Variants in ADAM18 observed in about 807,000 individuals in gnomAD.
ADAM18 encodes the protein disintegrin and metalloproteinase domain-containing protein 18.
A neutral mutation model predicts 94.4 loss-of-function variants in ADAM18; 117 were observed. That is an observed-to-expected ratio of 1.24 (90% confidence interval 1.07 to 1.45). ADAM18 has a LOEUF of 1.45. ADAM18 is among the 40% of genes most tolerant of loss of function. ADAM18 has a pLI of 0.00. For missense variants in ADAM18, 936 were observed against 880.0 expected, an observed-to-expected ratio of 1.06 and a Z score of -0.81; for synonymous variants, 327 against 291.6, an observed-to-expected ratio of 1.12 and a Z score of -1.24.
chr8:39,727,832 C>T (rs1030697364), intron 19 of ADAM18, among the ~76,000 whole-genome samples: 22 of 152,222 alleles, frequency 1.4e-4, no homozygotes, highest in African/African-American at 4.6e-4. Context: ...TGGCAATGCC[C>T]CACTGCTAGT....
intron 14 of ADAM18, among the ~76,000 whole-genome samples, chr8:39,671,998 C>G (rs1821170964): frequency 6.6e-6 from 1 of 152,036 alleles, no homozygotes; most frequent in African/African-American, 2.4e-5. Context: ...TAAAGTACAG[C>G]ATTTAACATA....
intron 14 of ADAM18, among the ~76,000 whole-genome samples, chr8:39,672,038 C>T (rs1821171754): frequency 6.6e-6 from 1 of 152,016 alleles, no homozygotes; most frequent in Non-Finnish European, 1.5e-5. Context: ...ACAGTAAAAT[C>T]TTTCTACTAG....
At chr8:39,689,263 C>A (rs1262072621) in intron 16 of ADAM18, among the ~76,000 whole-genome samples, 1 of 152,128 alleles carries the variant, frequency 6.6e-6, no homozygotes, top group African/African-American at 2.4e-5. Context: ...TTGGCATCTG[C>A]ATCATGAAAT....
At chr8:39,610,402 GA>G in intron 5 of ADAM18, 126 bp from the exon 6 acceptor site, 1 of 1,203,544 alleles carries the variant, frequency 8.3e-7, no homozygotes, top group African/African-American at 1.6e-5. Flanking sequence ...AATGGAAAAA[GA>G]AAATGGGCTT....
chr8:39,632,088 ATAT>A (rs1299546496), intron 7 of ADAM18, among the ~76,000 whole-genome samples: 3 of 151,772 alleles, frequency 2.0e-5, no homozygotes, highest in Non-Finnish European at 4.4e-5. Flanking sequence ...GTACACAATC[ATAT>A]TATTTATGAA....
At chr8:39,665,977 T>G (rs764345580) in intron 13 of ADAM18, among the ~76,000 whole-genome samples, 6 of 152,178 alleles carry the variant, frequency 3.9e-5, no homozygotes, top group Non-Finnish European at 8.8e-5. Context: ...TTCTTGTACC[T>G]GAAGACCTCC....
chr8:39,723,087 T>C (rs1215498225), intron 18 of ADAM18, among the ~76,000 whole-genome samples: 1 of 151,538 alleles, frequency 6.6e-6, no homozygotes, highest in Non-Finnish European at 1.5e-5. Context: ...GCATATTCAT[T>C]TAGTTAACTC....
At chr8:39,630,259 A>G (rs2129579084) in intron 7 of ADAM18, among the ~76,000 whole-genome samples, 1 of 151,760 alleles carries the variant, frequency 6.6e-6, no homozygotes, top group Middle Eastern at 3.5e-3. Flanking sequence ...ACTAAATGCA[A>G]AACACAGACT....
chr8:39,616,358 C>A (rs746906753), intron 6 of ADAM18, among the ~76,000 whole-genome samples: 1 of 152,006 alleles, frequency 6.6e-6, no homozygotes, highest in Non-Finnish European at 1.5e-5. Context: ...TGCAGTGAGC[C>A]GAGATGGCAC....
chr8:39,629,127 A>G (rs1819858543), intron 6 of ADAM18, among the ~76,000 whole-genome samples: 1 of 151,608 alleles, frequency 6.6e-6, no homozygotes, highest in South Asian at 2.1e-4. Context: ...TTTTATGTTT[A>G]TGTTTTTTTT....
At chr8:39,689,799 T>G (rs1450934837) in intron 16 of ADAM18, among the ~76,000 whole-genome samples, 1 of 152,218 alleles carries the variant, frequency 6.6e-6, no homozygotes, top group African/African-American at 2.4e-5. Flanking sequence ...ATGTGGCCAT[T>G]TCAGCTATAT....
chr8:39,612,548 G>A (rs1330402482), intron 6 of ADAM18, among the ~76,000 whole-genome samples: 3 of 152,152 alleles, frequency 2.0e-5, no homozygotes, highest in Non-Finnish European at 4.4e-5. Context: ...GTTTGGTTCA[G>A]GAAGAGCTGC....
intron 12 of ADAM18, among the ~76,000 whole-genome samples, chr8:39,654,559 C>G (rs1820634654): frequency 1.3e-5 from 2 of 152,044 alleles, no homozygotes; most frequent in African/African-American, 4.8e-5. Context: ...GGATGTATAT[C>G]CAGCAGTGGG....
intron 19 of ADAM18, among the ~76,000 whole-genome samples, chr8:39,724,272 G>A (rs979980553): frequency 1.3e-5 from 2 of 151,588 alleles, no homozygotes; most frequent in African/African-American, 4.8e-5. Flanking sequence ...CAGATTTTCT[G>A]TTCTTTATTA....
chr8:39,591,980 A>G (rs964633345), intron 2 of ADAM18, among the ~76,000 whole-genome samples: 39 of 152,214 alleles, frequency 2.6e-4, no homozygotes, highest in African/African-American at 9.4e-4. Flanking sequence ...GACCAGGTAC[A>G]TTGTCAATGA....
In ADAM18 at chr8:39,609,562, G is replaced by A. The variant is rs1819202568; in HGVS notation, c.344+1G>A. On this transcript the variant is annotated splice_donor_variant, in intron 5 of 19. Transcript: ENST00000265707. LOFTEE classifies it high-confidence loss of function. Reference sequence around the variant, plus strand: ...CACTCAGTATATGTTCTGGTCTCAGGTAATAGCACCTTATAAGAAATCTAT... The same window carrying A: ...CACTCAGTATATGTTCTGGTCTCAGATAATAGCACCTTATAAGAAATCTAT... The A allele has an allele frequency of 3.1e-6, 5 of 1,597,312 alleles. No homozygotes were observed. The highest frequency in any genetic ancestry group is 1.3e-5 in the African/African-American group (1 of 74,640).
intron 17 of ADAM18, among the ~76,000 whole-genome samples, chr8:39,703,519 T>C (rs190186548): frequency 9.1e-4 from 139 of 152,166 alleles, no homozygotes; most frequent in Non-Finnish European, 1.4e-3. Flanking sequence ...AAATATTATG[T>C]TAAATAGGAT....
intron 3 of ADAM18, among the ~76,000 whole-genome samples, chr8:39,607,179 G>A (rs569007096): frequency 6.6e-6 from 1 of 152,096 alleles, no homozygotes; most frequent in East Asian, 1.9e-4. Flanking sequence ...ATGAATTTGT[G>A]CACTGTTGCC....
In ADAM18 at chr8:39,729,880, T is replaced by G; in HGVS notation, c.2178-18T>G. On this transcript the variant is annotated intron_variant, in intron 19 of 19. Coordinates refer to ENST00000265707, the MANE Select transcript of ADAM18 (RefSeq NM_014237.3). ...ACATATTGTGAATTTCTATTTTTTC[T>G]GTTTTTCTTCACTATAGTAATTCAT... 6.2e-7 allele frequency: 1 copy of G among 1,609,162 alleles called. No individual in the cohort carries two copies. Among genetic ancestry groups the G allele is most frequent in the Non-Finnish European group, 8.5e-7 (1 of 1,175,600 alleles).
Sources: allele counts gnomAD v4.1 joint callset (sites outside exome capture counted in the v4.1 genomes callset), GRCh38; gene constraint gnomAD v4.1.1; transcripts MANE v1.5; gene names NCBI Gene and HGNC (gene_info 2026-07-23, HGNC 2026-07-21).